The following RASAL2 variants were observed in gnomAD, a reference collection of about 807,000 sequenced individuals.
RASAL2 encodes the protein ras GTPase-activating protein nGAP.
RASAL2 carries 58 observed loss-of-function variants against 128.9 expected under a neutral mutation model. That is an observed-to-expected ratio of 0.45 (90% CI 0.36 to 0.56). The LOEUF is 0.56. Ranked by LOEUF, RASAL2 falls within the 20% of genes least tolerant of loss-of-function variation. RASAL2 has a pLI of 0.00. For synonymous variants in RASAL2, 561 were observed against 580.8 expected (o/e 0.97, Z 0.49); for missense variants, 1,360 against 1,601.6 (o/e 0.85, Z 2.57).
At chr1:178,373,722 T>C (rs1390335492) in intron 3 of RASAL2, among the ~76,000 whole-genome samples, 1 of 152,058 alleles carries the variant, frequency 6.6e-6, no homozygotes, top group Non-Finnish European at 1.5e-5. Context: ...GAAATGAATT[T>C]GGTTAACAAA....
intron 3 of RASAL2, among the ~76,000 whole-genome samples, chr1:178,388,176 T>A (rs1378321391): frequency 6.6e-6 from 1 of 152,140 alleles, no homozygotes; most frequent in African/African-American, 2.4e-5. Context: ...AAGGTGAGAT[T>A]TTTTTTCTAC....
At chr1:178,275,798 G>A (rs1223163997) in intron 1 of RASAL2, among the ~76,000 whole-genome samples, 4 of 152,148 alleles carry the variant, frequency 2.6e-5, no homozygotes, top group Non-Finnish European at 5.9e-5. Flanking sequence ...TCTCTTTCCT[G>A]CTCTCTCCTT....
At chr1:178,215,995 C>T (rs1188988003) in intron 1 of RASAL2, among the ~76,000 whole-genome samples, 2 of 152,118 alleles carry the variant, frequency 1.3e-5, no homozygotes, top group African/African-American at 4.8e-5. Context: ...GTTCTCCCAA[C>T]CAATAATAAT....
intron 3 of RASAL2, among the ~76,000 whole-genome samples, chr1:178,340,612 G>C (rs1669822712): frequency 6.6e-6 from 1 of 152,096 alleles, no homozygotes; most frequent in South Asian, 2.1e-4. Context: ...TTTAAAAAAT[G>C]AAGTTCTCAG....
intron 1 of RASAL2, among the ~76,000 whole-genome samples, chr1:178,142,129 A>G (rs1311767162): frequency 6.6e-6 from 1 of 152,042 alleles, no homozygotes; most frequent in Non-Finnish European, 1.5e-5. Context: ...GCAGGCGCAG[A>G]TCCTCTAGAG....
At chr1:178,157,486 G>A (rs1224366233) in intron 1 of RASAL2, among the ~76,000 whole-genome samples, 1 of 152,266 alleles carries the variant, frequency 6.6e-6, no homozygotes, top group African/African-American at 2.4e-5. Flanking sequence ...CAGTGGGGAA[G>A]GACTGTAGGC....
chr1:178,327,113 A>G (rs1177733480), intron 3 of RASAL2, among the ~76,000 whole-genome samples: 3 of 152,148 alleles, frequency 2.0e-5, no homozygotes, highest in Non-Finnish European at 4.4e-5. Context: ...GAAATTTAAA[A>G]TCATCAAACT....
intron 5 of RASAL2, among the ~76,000 whole-genome samples, chr1:178,427,578 G>T (rs1000393096): frequency 5.3e-5 from 8 of 152,032 alleles, no homozygotes; most frequent in Non-Finnish European, 2.9e-5. Flanking sequence ...TTATTAATTA[G>T]AATTTTTTAA....
chr1:178,339,310 G>C (rs1461957345), intron 3 of RASAL2, among the ~76,000 whole-genome samples: 1 of 152,228 alleles, frequency 6.6e-6, no homozygotes, highest in African/African-American at 2.4e-5. Flanking sequence ...TTGCTTCTAA[G>C]AGTAATTTCT....
chr1:178,117,621 A>G (rs1659563234), intron 1 of RASAL2, among the ~76,000 whole-genome samples: 2 of 152,046 alleles, frequency 1.3e-5, no homozygotes, highest in South Asian at 2.1e-4. Context: ...ATCCTTGTGA[A>G]TGGGATTAGT....
At chr1:178,140,252 C>G (rs1203407725) in intron 1 of RASAL2, among the ~76,000 whole-genome samples, 1 of 152,164 alleles carries the variant, frequency 6.6e-6, no homozygotes, top group East Asian at 1.9e-4. Flanking sequence ...AGAGAGTTCC[C>G]AAGTGCCACT....
chr1:178,275,215 G>T (rs889227197), intron 1 of RASAL2, among the ~76,000 whole-genome samples: 1 of 152,166 alleles, frequency 6.6e-6, no homozygotes, highest in Non-Finnish European at 1.5e-5. Flanking sequence ...GGGTTGTGCT[G>T]TGTTGCCCCG....
At position 178,206,240 on chromosome 1, in the gene RASAL2, C is replaced by G. The variant is rs545213853; in HGVS notation, c.203-77324C>G. ...GGTAGCATTCTGTTTTGTTCTTATA[C>G]AAAGATCCCATTTGAGAGACCAAAT... On this transcript the variant is annotated intron_variant, in intron 1 of 17. Coordinates refer to ENST00000367649, the MANE Select transcript of RASAL2 (RefSeq NM_170692.4). Among the ~76,000 whole-genome samples, 5 of 152,248 alleles carry G rather than the reference C, an allele frequency of 3.3e-5. No homozygotes were observed. In the South Asian group the frequency reaches 1.0e-3, roughly 32 times the overall value.
At chr1:178,386,852 G>A (rs1672600965) in intron 3 of RASAL2, among the ~76,000 whole-genome samples, 1 of 152,154 alleles carries the variant, frequency 6.6e-6, no homozygotes, top group Non-Finnish European at 1.5e-5. Flanking sequence ...TCTAATTTTG[G>A]TCTACTGGAA....
chr1:178,356,798 G>T (rs1012988841), intron 3 of RASAL2, among the ~76,000 whole-genome samples: 2 of 151,970 alleles, frequency 1.3e-5, no homozygotes, highest in East Asian at 1.9e-4. Context: ...TGCTATGGCG[G>T]TATTATAATT....
At chr1:178,360,622 C>A (rs944961067) in intron 3 of RASAL2, among the ~76,000 whole-genome samples, 1 of 152,208 alleles carries the variant, frequency 6.6e-6, no homozygotes, top group African/African-American at 2.4e-5. Context: ...TGCTCCACTG[C>A]AGCACCTTGT....
intron 1 of RASAL2, among the ~76,000 whole-genome samples, chr1:178,244,574 T>C (rs1473000447): frequency 6.6e-6 from 1 of 152,196 alleles, no homozygotes; most frequent in Non-Finnish European, 1.5e-5. Flanking sequence ...TTATTTTTAT[T>C]GTACTTTAAG....
intron 1 of RASAL2, among the ~76,000 whole-genome samples, chr1:178,240,361 C>G (rs929536026): frequency 6.6e-6 from 1 of 152,044 alleles, no homozygotes; most frequent in African/African-American, 2.4e-5. Flanking sequence ...GAACTTAATA[C>G]TTTCCTGTAA....
intron 5 of RASAL2, among the ~76,000 whole-genome samples, chr1:178,432,217 A>G (rs1675960937): frequency 6.6e-6 from 1 of 152,064 alleles, no homozygotes; most frequent in African/African-American, 2.4e-5. Context: ...TCACAATCAG[A>G]CTTGTGGAAT....
Sources: allele counts gnomAD v4.1 joint callset (sites outside exome capture counted in the v4.1 genomes callset), GRCh38; gene constraint gnomAD v4.1.1; transcripts MANE v1.5; gene names NCBI Gene and HGNC (gene_info 2026-07-23, HGNC 2026-07-21).